ACADVL: variants seen among roughly 807,000 people sequenced by gnomAD.
ACADVL encodes acyl-CoA dehydrogenase very long chain, also known as very long-chain acyl-CoA dehydrogenase, mitochondrial.
In ACADVL, 73 loss-of-function variants were observed where a neutral mutation model predicts 80.4. The ratio of observed to expected loss-of-function variants is 0.91; its 90% CI spans 0.75 to 1.10. The LOEUF (loss-of-function observed/expected upper bound fraction) is 1.10. Among genes scored for constraint, ACADVL ranks in the 50% least tolerant of loss-of-function variants. The probability of loss-of-function intolerance (pLI) is 0.00; values close to 1 mark genes in which losing one functional copy is unlikely to be tolerated. For synonymous variants in ACADVL, 392 were observed against 326.5 expected, an observed-to-expected ratio of 1.20 and a Z score of -2.16; for missense variants, 878 against 858.9, an observed-to-expected ratio of 1.02 and a Z score of -0.28.
At chr17:7,217,948 G>A (rs959265793), upstream of ACADVL, 8 of 878,018 alleles carry the variant, frequency 9.1e-6, no homozygotes, top group African/African-American at 1.2e-4. Flanking sequence ...GCTGAAGGAG[G>A]CAATCCCTGG....
rs2071419634 is a variant in ACADVL, at chr17:7,225,183, CG to C, written c.*87del. On this transcript the variant is annotated 3_prime_UTR_variant, in exon 20 of 20. Transcript: ENST00000356839. ...CTTTCCTTAAGGCCCTGGTTTGTCC[CG>C]AAGGGGCCTAGTGTTCCCAGCACTG... is the stretch of plus-strand genomic sequence containing the variant. The C allele has an allele frequency of 6.3e-7, 1 of 1,583,908 alleles. No individual in the cohort carries two copies. The highest frequency in any genetic ancestry group is 8.6e-7 in the Non-Finnish European group (1 of 1,159,216).
upstream of ACADVL, chr17:7,218,598 G>T: frequency 1.9e-6 from 3 of 1,566,322 alleles, no homozygotes; most frequent in Non-Finnish European, 2.6e-6. Flanking sequence ...GGTGCCCACC[G>T]CAGCAGTGGG....
chr17:7,223,094 C>T (rs1167147151), intron 10 of ACADVL, 39 bp from the exon 11 acceptor site: 1 of 1,578,226 alleles, frequency 6.3e-7, no homozygotes, highest in Non-Finnish European at 8.7e-7. Flanking sequence ...ACTGCAGAAC[C>T]ACACTGAACC....
upstream of ACADVL, chr17:7,217,202 C>T (rs1247533334): frequency 2.4e-6 from 3 of 1,264,244 alleles, no homozygotes; most frequent in African/African-American, 1.6e-5. Flanking sequence ...ATCGGAGTTT[C>T]GTTCCTCCCC....
intron 11 of ACADVL, 122 bp downstream of exon 11, chr17:7,223,359 G>C: frequency 3.1e-6 from 3 of 969,128 alleles, no homozygotes; most frequent in Non-Finnish European, 5.0e-6. Flanking sequence ...TGCCCTAGGG[G>C]ATGCGGGGAG....
At chr17:7,221,768 G>A (rs2071240370) in intron 7 of ACADVL, 86 bp downstream of exon 7, 1 of 1,604,938 alleles carries the variant, frequency 6.2e-7, no homozygotes, top group Non-Finnish European at 8.5e-7. Flanking sequence ...ATTATCAGAT[G>A]GCTGAGCATT....
chr17:7,220,284 C>A, intron 2 of ACADVL, 87 bp downstream of exon 2: 1 of 1,499,030 alleles, frequency 6.7e-7, no homozygotes, highest in Non-Finnish European at 9.0e-7. Context: ...CTCTTGGTGC[C>A]AGGTACCTGC....
At position 7,222,710 on chromosome 17, in the gene ACADVL, G is replaced by C; in HGVS notation, c.922G>C (p.Ala308Pro). The C allele has an allele frequency of 1.2e-6, 2 of 1,614,120 alleles. No individual in the cohort carries two copies. Among genetic ancestry groups the C allele is most frequent in the Non-Finnish European group, 1.7e-6 (2 of 1,180,020 alleles). ...KKMGIKASNT[A>P]EVFFDGVRVP... ...GATGGGCATCAAGGCTTCAAACACA[G>C]CAGAGGTGTTCTTTGATGGAGTACG... The change falls in exon 10 of 20, where the codon GCA becomes CCA. Residue 308 changes from alanine (A) to proline (P), a missense_variant. Coordinates refer to ENST00000356839, the MANE Select transcript of ACADVL (RefSeq NM_000018.4).
At chr17:7,218,296 G>T, upstream of ACADVL, 2 of 1,606,168 alleles carry the variant, frequency 1.2e-6, no homozygotes, top group Non-Finnish European at 1.7e-6. Context: ...CACAGGAACA[G>T]AACTGAGTTA....
At chr17:7,218,806 C>G (rs376562452), upstream of ACADVL, 1 of 1,613,700 alleles carries the variant, frequency 6.2e-7, no homozygotes, top group Middle Eastern at 1.6e-4. Context: ...CAGACCTCCC[C>G]TCCACAAGGA....
chr17:7,217,150 T>G, upstream of ACADVL: 2 of 1,291,004 alleles, frequency 1.5e-6, no homozygotes, highest in Non-Finnish European at 2.0e-6. Context: ...CAGTCCATGT[T>G]GGGGGGCCTG....
chr17:7,222,718 GTTC>G lies in ACADVL; in HGVS notation c.933_935del (p.Phe312del). ...TCAAGGCTTCAAACACAGCAGAGGT[GTTC>G]TTTGATGGAGTACGGGTGCCATCGG... On this transcript the variant is annotated inframe_deletion, in exon 10 of 20. Transcript: ENST00000356839. 1 of 1,614,128 alleles carries G rather than the reference GTTC, an allele frequency of 6.2e-7. No homozygotes were observed. Among genetic ancestry groups the G allele is most frequent in the South Asian group, 1.1e-5 (1 of 91,072 alleles).
rs766504482 is a variant in ACADVL at position 7,223,738 on chromosome 17, C to A, written c.1269+8C>A. 6.2e-7 allele frequency: 1 copy of A among 1,614,114 alleles called. No homozygotes were observed. Among genetic ancestry groups the A allele is most frequent in the East Asian group, 2.2e-5 (1 of 44,888 alleles). ...AGCAAAATCTTTGGCTCGGTGAGGT[C>A]CCAGGCATGCTGGGAGGGAGTCCAG... On this transcript the variant is annotated splice_region_variant and intron_variant, in intron 12 of 19. Transcript: ENST00000356839.
chr17:7,225,126 AT>A lies in ACADVL; in HGVS notation c.*30del, dbSNP rs1233574650. ...CTCCCGGCCAGGGCCTGTCCCAGTT[AT>A]GTGCCTTCCCTCAAGCCAAAGCCGA... On this transcript the variant is annotated 3_prime_UTR_variant, in exon 20 of 20. Coordinates refer to ENST00000356839, the MANE Select transcript of ACADVL (RefSeq NM_000018.4). 4 of 1,613,606 alleles carry A rather than the reference AT, an allele frequency of 2.5e-6. No homozygotes were observed. The African/African-American group carries it at 5.3e-5, about 22-fold the overall frequency.
At position 7,220,049 on chromosome 17, in the gene ACADVL, C is replaced by G; in HGVS notation, c.62+3C>G. 6.2e-7 allele frequency: 1 copy of G among 1,602,868 alleles called. No individual in the cohort carries two copies. On this transcript the variant is annotated splice_donor_region_variant and intron_variant, in intron 1 of 19. Transcript: ENST00000356839. Reference sequence around the variant, plus strand: ...CTGCTGAGGCTCGGGGGCGGAAGGTCTGTGTGTGACAAGAGGGACGGTGGG... The same window carrying G: ...CTGCTGAGGCTCGGGGGCGGAAGGTGTGTGTGTGACAAGAGGGACGGTGGG...
At chr17:7,218,447 G>C (rs189896472), upstream of ACADVL, 805 of 1,417,506 alleles carry the variant, frequency 5.7e-4, no homozygotes, top group Non-Finnish European at 7.4e-4. Context: ...TGGTGCTCCA[G>C]CTTGGACCAA....
At position 7,220,971 on chromosome 17, in the gene ACADVL, G is replaced by A. The variant is rs2142969071; in HGVS notation, c.390G>A (p.Glu130=). ...AKNDALEMVE[E]TTWQGLKELG... is the part of the protein sequence containing the mutation. Reference sequence around the variant, plus strand: ...ATGACGCTCTGGAGATGGTGGAGGAGACCACTTGGCAGGGCCTCAAGGAGC... The same window carrying A: ...ATGACGCTCTGGAGATGGTGGAGGAAACCACTTGGCAGGGCCTCAAGGAGC... Residue 130 remains glutamate, a synonymous_variant, in exon 6 of 20, where the codon GAG becomes GAA. Coordinates refer to ENST00000356839, the MANE Select transcript of ACADVL (RefSeq NM_000018.4). The A allele has an allele frequency of 6.2e-7, 1 of 1,614,070 alleles. No homozygotes were observed. Among genetic ancestry groups the A allele is most frequent in the South Asian group, 1.1e-5 (1 of 91,092 alleles).
chr17:7,225,076 C>T lies in ACADVL; in HGVS notation c.1947C>T (p.Thr649=), dbSNP rs2071415265. The T allele has an allele frequency of 6.2e-7, 1 of 1,613,966 alleles. No homozygotes were observed. Among genetic ancestry groups the T allele is most frequent in the South Asian group, 1.1e-5 (1 of 91,084 alleles). ...TGGTGGAGCGGGGTGGTGTGGTCAC[C>T]AGCAACCCACTTGGCTTCTGAATAC... ...KALVERGGVV[T]SNPLGF Residue 649 remains threonine, a synonymous_variant, in exon 20 of 20, where the codon ACC becomes ACT. Transcript: ENST00000356839.
rs77680021 is a variant in ACADVL at position 7,221,187 on chromosome 17, G to A, written c.477+129G>A. The A allele has an allele frequency of 0.078, 114,138 of 1,467,748 alleles. 5,196 individuals are homozygous for A. The highest frequency in any genetic ancestry group is 0.095 in the Non-Finnish European group (101,411 of 1,071,866). 90.9% of individuals were successfully genotyped at this position (1,467,748 alleles called of 1,614,324 possible). A position where few individuals can be genotyped will look rare whatever the true frequency, so the allele number is the denominator to read the frequency against. On this transcript the variant is annotated intron_variant, in intron 6 of 19. Transcript: ENST00000356839. ...CACCTGCCCTGGGTGCCTGTGGGAT[G>A]GATGTTAACTGTCCAAACATAACAC...
Sources: gnomAD v4.1 joint callset for allele counts on GRCh38, gnomAD v4.1.1 for gene constraint, MANE v1.5 for transcripts, NCBI Gene and HGNC (gene_info 2026-07-23, HGNC 2026-07-21) for gene names.